The following DIAPH3 variants were observed in gnomAD, a reference collection of about 807,000 sequenced individuals.
DIAPH3 encodes the protein protein diaphanous homolog 3.
Under a neutral mutation model 144.3 loss-of-function variants are expected in DIAPH3, and 117 were observed. The observed-to-expected ratio is 0.81, with a 90% CI of 0.70 to 0.95. The LOEUF is 0.95. DIAPH3 is among the 40% of genes least tolerant of loss of function. DIAPH3 has a pLI of 0.00. For missense variants in DIAPH3, 1,421 were observed against 1,412.7 expected, an observed-to-expected ratio of 1.01 and a Z score of -0.09; for synonymous variants, 519 against 488.9, an observed-to-expected ratio of 1.06 and a Z score of -0.81.
At chr13:59,833,083 TA>T in intron 24 of DIAPH3, 23 bp downstream of exon 24, 2 of 1,595,788 alleles carry the variant, frequency 1.3e-6, no homozygotes, top group Non-Finnish European at 1.7e-6. Flanking sequence ...AAAAACTTTT[TA>T]AAAAACAATT....
intron 20 of DIAPH3, among the ~76,000 whole-genome samples, chr13:59,891,849 A>G (rs958875020): frequency 6.6e-6 from 1 of 152,024 alleles, no homozygotes; most frequent in African/African-American, 2.4e-5. Context: ...GGTTGAGTAA[A>G]CAGGTCAAAA....
At chr13:59,908,187 A>G (rs978327241) in intron 20 of DIAPH3, among the ~76,000 whole-genome samples, 4 of 151,760 alleles carry the variant, frequency 2.6e-5, no homozygotes, top group Non-Finnish European at 5.9e-5. Context: ...TGGCCAACAT[A>G]GTGAAACCCC....
intron 4 of DIAPH3, among the ~76,000 whole-genome samples, chr13:60,083,165 G>A (rs1447548041): frequency 2.0e-5 from 3 of 151,770 alleles, no homozygotes; most frequent in Admixed American, 6.6e-5. Flanking sequence ...AAGTCCCAAT[G>A]GCCAAAGATG....
At chr13:59,820,437 A>T (rs948348765) in intron 24 of DIAPH3, among the ~76,000 whole-genome samples, 1 of 151,930 alleles carries the variant, frequency 6.6e-6, no homozygotes, top group African/African-American at 2.4e-5. Context: ...TTCTAAATCT[A>T]ATGTTCATTA....
chr13:59,703,317 T>A (rs2034222811), intron 27 of DIAPH3, among the ~76,000 whole-genome samples: 1 of 152,252 alleles, frequency 6.6e-6, no homozygotes, highest in African/African-American at 2.4e-5. Context: ...TTGGGTAAAA[T>A]AAATTATTAA....
rs562413926 is a variant in DIAPH3, at chr13:59,707,561, C to A, written c.3320-40715G>T. On this transcript the variant is annotated intron_variant, in intron 27 of 27. Transcript: ENST00000400324. The stretch of plus-strand genomic sequence containing the variant: ...TGGTACTTCTGGGAGTTTAAATTCC[C>A]CAAAGTTTATAACTTAGAAGAGCTG... Among the ~76,000 whole-genome samples the A allele has an allele frequency of 5.9e-5, 9 of 152,210 alleles. No homozygotes were observed. In the South Asian group the frequency reaches 1.9e-3, roughly 32 times the overall value.
rs773083562 is a variant in DIAPH3 at position 59,666,217 on chromosome 13, T to C, written c.*367A>G. 47 of 184,342 alleles carry C rather than the reference T, an allele frequency of 2.5e-4. No individual in the cohort carries two copies. The highest frequency in any genetic ancestry group is 4.3e-4 in the Non-Finnish European group (39 of 89,748). The allele number at this position is 184,342 out of a possible 1,614,324, so 11.4% of individuals were successfully genotyped here. The stretch of plus-strand genomic sequence containing the variant: ...ACCTGACATCCATTAATGTTAAAAA[T>C]AGTAAAGTAAAAATTCCAGTGGCTT... On this transcript the variant is annotated 3_prime_UTR_variant, in exon 28 of 28. Transcript: ENST00000400324.
intron 2 of DIAPH3, among the ~76,000 whole-genome samples, chr13:60,118,827 T>C (rs568860366): frequency 5.1e-4 from 78 of 152,312 alleles, no homozygotes; most frequent in Middle Eastern, 3.4e-3. Context: ...TTCACTCTCA[T>C]CTTTGGATTT....
At chr13:59,844,147 C>T (rs1457295730) in intron 22 of DIAPH3, among the ~76,000 whole-genome samples, 7 of 148,888 alleles carry the variant, frequency 4.7e-5, no homozygotes, top group African/African-American at 7.4e-5. Flanking sequence ...TTTATTTTTT[C>T]AGCAATTATT....
At chr13:59,686,632 A>C (rs1276358156) in intron 27 of DIAPH3, among the ~76,000 whole-genome samples, 1 of 152,142 alleles carries the variant, frequency 6.6e-6, no homozygotes, top group Non-Finnish European at 1.5e-5. Context: ...TGTTTTATAC[A>C]CATTTACTTT....
At chr13:59,975,151 C>T (rs1451029838) in intron 14 of DIAPH3, among the ~76,000 whole-genome samples, 1 of 151,716 alleles carries the variant, frequency 6.6e-6, no homozygotes, top group African/African-American at 2.4e-5. Flanking sequence ...ATTATTATGA[C>T]TAAAAACCTC....
chr13:59,978,892 A>C (rs1193290977), intron 14 of DIAPH3, among the ~76,000 whole-genome samples: 1 of 151,724 alleles, frequency 6.6e-6, no homozygotes, highest in Non-Finnish European at 1.5e-5. Flanking sequence ...TCTGTACAAG[A>C]AGGTTGATAA....
At chr13:59,739,998 A>G (rs915826808) in intron 27 of DIAPH3, among the ~76,000 whole-genome samples, 1 of 152,204 alleles carries the variant, frequency 6.6e-6, no homozygotes, top group Non-Finnish European at 1.5e-5. Flanking sequence ...TGCCTAGGTT[A>G]CATGCAGACA....
intron 27 of DIAPH3, among the ~76,000 whole-genome samples, chr13:59,751,765 G>A (rs999418686): frequency 1.3e-5 from 2 of 152,126 alleles, no homozygotes; most frequent in Non-Finnish European, 2.9e-5. Context: ...TTTAAAGCAG[G>A]AAACTGAAAA....
intron 17 of DIAPH3, among the ~76,000 whole-genome samples, chr13:59,950,478 G>A (rs2049040961): frequency 6.6e-6 from 1 of 152,150 alleles, no homozygotes; most frequent in Non-Finnish European, 1.5e-5. Flanking sequence ...AGAGTAGGCA[G>A]AAGACATAGT....
intron 3 of DIAPH3, among the ~76,000 whole-genome samples, chr13:60,109,930 A>G (rs1369529008): frequency 3.9e-5 from 6 of 152,224 alleles, no homozygotes; most frequent in Non-Finnish European, 7.3e-5. Flanking sequence ...TTCAGCTTTC[A>G]CCAAAAGACA....
chr13:59,812,248 GCATCCATC>G (rs67202819), intron 24 of DIAPH3, among the ~76,000 whole-genome samples: 27,396 of 149,646 alleles, frequency 0.18, 2,639 homozygotes, highest in South Asian at 0.24. Context: ...ATGCATGCAT[GCATCCATC>G]CATCCATCCA....
chr13:59,820,512 C>G (rs980833724), intron 24 of DIAPH3, among the ~76,000 whole-genome samples: 2 of 151,812 alleles, frequency 1.3e-5, no homozygotes, highest in Non-Finnish European at 2.9e-5. Context: ...GTACTACTTT[C>G]ACTTGAAATT....
chr13:60,044,646 ACT>A (rs1167605323), intron 4 of DIAPH3, among the ~76,000 whole-genome samples: 1 of 152,176 alleles, frequency 6.6e-6, no homozygotes, highest in Non-Finnish European at 1.5e-5. Context: ...CAAAATAACT[ACT>A]GTTAATATAT....
Sources: gnomAD v4.1 joint callset for allele counts (sites outside exome capture counted in the v4.1 genomes callset) on GRCh38, gnomAD v4.1.1 for gene constraint, MANE v1.5 for transcripts, NCBI Gene and HGNC (gene_info 2026-07-23, HGNC 2026-07-21) for gene names.